Variants in NRP2 observed in about 807,000 individuals in gnomAD.
NRP2 encodes the protein neuropilin 2, also known as neuropilin-2.
A neutral mutation model predicts 110.4 loss-of-function variants in NRP2; 52 were observed. The ratio of observed to expected loss-of-function variants is 0.47; its 90% CI spans 0.38 to 0.59. The LOEUF (loss-of-function observed/expected upper bound fraction) is 0.59, where lower values mean the gene tolerates loss of function less well. NRP2 is among the 20% of genes least tolerant of loss of function. NRP2 has a pLI of 0.00. For synonymous variants in NRP2, 508 were observed against 468.9 expected (o/e 1.08, Z -1.08); for missense variants, 1,049 against 1,203.0 (o/e 0.87, Z 1.89).
rs1575591131 is a variant in NRP2, at chr2:205,725,424, A to G, written c.821-489A>G. ...ATGGAGAGATTTCCCAAAGACAAGT[A>G]TTTATGCTTTGTAATGTCTGTCTTC... On this transcript the variant is annotated intron_variant, in intron 5 of 16. Coordinates refer to ENST00000357785, the MANE Select transcript of NRP2 (RefSeq NM_003872.3). The surrounding 1 kb of genome is among the most constrained non-coding windows in gnomAD (Gnocchi z 4.1). Among the ~76,000 whole-genome samples the G allele has an allele frequency of 6.6e-6, 1 of 152,326 alleles. No individual in the cohort carries two copies. The highest frequency in any genetic ancestry group is 2.1e-4 in the South Asian group (1 of 4,826).
chr2:205,745,902 T>C lies in NRP2; in HGVS notation c.1786+12T>C. The C allele has an allele frequency of 6.2e-7, 1 of 1,613,928 alleles. No individual in the cohort carries two copies. Among genetic ancestry groups the C allele is most frequent in the South Asian group, 1.1e-5 (1 of 91,076 alleles). ...CTGTGACTGGACAGGTAAGATGACATTTCCTCCTCTTTGCATCTCACCCAC... is the reference window on the plus strand; with the variant it reads ...CTGTGACTGGACAGGTAAGATGACACTTCCTCCTCTTTGCATCTCACCCAC... On this transcript the variant is annotated intron_variant, in intron 10 of 16. Transcript: ENST00000357785.
intron 2 of NRP2, among the ~76,000 whole-genome samples, chr2:205,711,262 A>G (rs990803052): frequency 2.0e-5 from 3 of 152,236 alleles, no homozygotes; most frequent in Non-Finnish European, 4.4e-5. Flanking sequence ...TAAATTCAGC[A>G]GTGAAGAGGC....
intron 15 of NRP2, among the ~76,000 whole-genome samples, chr2:205,788,188 G>T (rs1373617862): frequency 6.6e-6 from 1 of 152,160 alleles, no homozygotes; most frequent in Non-Finnish European, 1.5e-5. Flanking sequence ...ATGATGCAGA[G>T]AGAAGGGACA....
chr2:205,735,045 C>A (rs1313830781), intron 7 of NRP2, among the ~76,000 whole-genome samples: 1 of 152,114 alleles, frequency 6.6e-6, no homozygotes, highest in Non-Finnish European at 1.5e-5. Context: ...CCCCAAAGGG[C>A]CCGCCTCATT....
At chr2:205,700,497 C>A (rs977734238) in intron 2 of NRP2, among the ~76,000 whole-genome samples, 1 of 152,212 alleles carries the variant, frequency 6.6e-6, no homozygotes, top group African/African-American at 2.4e-5. Context: ...TGCCCGGGTT[C>A]TTCCTACGTG....
intron 4 of NRP2, among the ~76,000 whole-genome samples, chr2:205,723,455 A>G (rs1160049517): frequency 2.0e-5 from 3 of 152,256 alleles, no homozygotes; most frequent in African/African-American, 7.2e-5. Context: ...CAGTAAGAAT[A>G]AAGAAATCAC....
At position 205,686,556 on chromosome 2, in the gene NRP2, G is replaced by C. The variant is rs889510808; in HGVS notation, c.73+3193G>C. Among the ~76,000 whole-genome samples the C allele has an allele frequency of 3.9e-5, 6 of 152,186 alleles. No homozygotes were observed. Among genetic ancestry groups the C allele is most frequent in the Admixed American group, 3.9e-4 (6 of 15,280 alleles). On this transcript the variant is annotated intron_variant, in intron 1 of 16. Transcript: ENST00000357785. This position sits in a 1 kb window ranked among gnomAD's most constrained non-coding sequence, Gnocchi z 4.7. The stretch of plus-strand genomic sequence containing the variant: ...GGCTGTGCCGGGGGTCTTTCCCACC[G>C]GGTCGCAGGCGTCCAGCGGCTGGGT...
intron 5 of NRP2, among the ~76,000 whole-genome samples, chr2:205,724,260 G>T (rs2057080942): frequency 6.6e-6 from 1 of 152,192 alleles, no homozygotes; most frequent in Non-Finnish European, 1.5e-5. Context: ...TAGTTAGGAT[G>T]ATCTATACAG....
At chr2:205,714,381 T>C (rs768426348) in intron 2 of NRP2, among the ~76,000 whole-genome samples, 2 of 152,174 alleles carry the variant, frequency 1.3e-5, no homozygotes, top group African/African-American at 2.4e-5. Context: ...GTCTGATTAA[T>C]GAACATGGGT....
chr2:205,741,686 A>ACGTG (rs2057444695), intron 8 of NRP2, among the ~76,000 whole-genome samples: 1 of 152,180 alleles, frequency 6.6e-6, no homozygotes, highest in Admixed American at 6.5e-5. Context: ...ACATCCATCC[A>ACGTG]CGTGCCTTTC....
chr2:205,734,591 C>T (rs1417840639), intron 7 of NRP2, among the ~76,000 whole-genome samples: 1 of 152,078 alleles, frequency 6.6e-6, no homozygotes, highest in Admixed American at 6.5e-5. Context: ...TCAGGGTGAG[C>T]GGATGAGTCA....
At chr2:205,706,308 C>T (rs1248562537) in intron 2 of NRP2, among the ~76,000 whole-genome samples, 1 of 151,844 alleles carries the variant, frequency 6.6e-6, no homozygotes, top group Non-Finnish European at 1.5e-5. Flanking sequence ...AAGCCAGACA[C>T]ACCGGAGAGT....
At chr2:205,779,521 G>A (rs958743562) in intron 15 of NRP2, 11 of 152,136 alleles carry the variant, frequency 7.2e-5, no homozygotes, top group South Asian at 4.1e-4. Flanking sequence ...CTAAATAATC[G>A]AAAATTACCA....
intron 15 of NRP2, chr2:205,767,587 A>C (rs2057947751): frequency 3.3e-6 from 1 of 307,060 alleles, no homozygotes; most frequent in African/African-American, 2.2e-5. Flanking sequence ...ATAAAAAAAA[A>C]AAAAGGCCTC....
intron 11 of NRP2, among the ~76,000 whole-genome samples, chr2:205,750,994 G>C (rs1363212206): frequency 6.6e-6 from 1 of 152,178 alleles, no homozygotes; most frequent in Non-Finnish European, 1.5e-5. Flanking sequence ...TTGTGTGGGT[G>C]GGGGACACTG....
Position 205,794,810 on chromosome 2 carries a change from C to G in NRP2, c.2533C>G (p.Pro845Ala). Residue 845 changes from proline to alanine, a missense_variant, in exon 17 of 17, where the codon CCC becomes GCC. Transcript: ENST00000357785. ...SSSATSGSGA[P>A]STDKEKSWLY... ...TTCTGCAACCTCAGGGTCTGGCGCC[C>G]CCTCGACCGACAAAGAAAAGAGCTG... The G allele has an allele frequency of 6.2e-7, 1 of 1,614,174 alleles. No individual in the cohort carries two copies. The highest frequency in any genetic ancestry group is 8.5e-7 in the Non-Finnish European group (1 of 1,180,028).
Position 205,784,515 on chromosome 2 carries a change from A to G in NRP2, c.2426-7720A>G, listed in dbSNP as rs555789770. 2.3e-3 allele frequency among the ~76,000 whole-genome samples: 355 copies of G among 152,274 alleles called. 1 individual carries two copies. Among genetic ancestry groups the G allele is most frequent in the Non-Finnish European group, 3.1e-3 (210 of 68,024 alleles). The stretch of plus-strand genomic sequence containing the variant: ...TAGATGGGGCCAACATGGGTGTGTG[A>G]AAGGAGCCCCAGAGATGCCTCATTC... On this transcript the variant is annotated intron_variant, in intron 15 of 16. Coordinates refer to ENST00000357785, the MANE Select transcript of NRP2 (RefSeq NM_003872.3).
chr2:205,746,392 C>T (rs1289102057), intron 10 of NRP2, among the ~76,000 whole-genome samples: 1 of 152,254 alleles, frequency 6.6e-6, no homozygotes, highest in African/African-American at 2.4e-5. Flanking sequence ...AGGACTCCTT[C>T]TCATTGTCCT....
intron 2 of NRP2, among the ~76,000 whole-genome samples, chr2:205,710,867 T>C (rs910312763): frequency 4.6e-5 from 7 of 152,246 alleles, no homozygotes; most frequent in African/African-American, 1.7e-4. Flanking sequence ...GATAATCTAC[T>C]CATGAAATAT....
Sources: allele counts gnomAD v4.1 joint callset (sites outside exome capture counted in the v4.1 genomes callset), GRCh38; gene constraint gnomAD v4.1.1; non-coding constraint Gnocchi (gnomAD v3.1); transcripts MANE v1.5; gene names NCBI Gene and HGNC (gene_info 2026-07-23, HGNC 2026-07-21).